The following NKAIN3 variants were observed in gnomAD, a reference collection of about 807,000 sequenced individuals.
NKAIN3 encodes the protein sodium/potassium transporting ATPase interacting 3, also known as sodium/potassium-transporting ATPase subunit beta-1-interacting protein 3.
NKAIN3 carries 25 observed loss-of-function variants against 30.2 expected under a neutral mutation model. The observed-to-expected ratio is 0.83, with a 90% CI of 0.60 to 1.16. The LOEUF (loss-of-function observed/expected upper bound fraction) is 1.16. Ranked by LOEUF, NKAIN3 falls within the 50% of genes most tolerant of loss-of-function variation. The pLI is 0.00. For synonymous variants in NKAIN3, 91 were observed against 89.6 expected, an observed-to-expected ratio of 1.02 and a Z score of -0.09; for missense variants, 225 against 254.1, an observed-to-expected ratio of 0.89 and a Z score of 0.78.
intron 3 of NKAIN3, among the ~76,000 whole-genome samples, chr8:62,626,741 A>C (rs1811800981): frequency 6.6e-6 from 1 of 152,102 alleles, no homozygotes; most frequent in African/African-American, 2.4e-5. Flanking sequence ...GCATATGTAA[A>C]GTGTGGAAAA....
rs140699643 is a variant in NKAIN3 at position 62,389,014 on chromosome 8, G to C, written c.54+139887G>C. Among the ~76,000 whole-genome samples, 252 of 152,250 alleles carry C rather than the reference G, an allele frequency of 1.7e-3. 1 individual carries two copies. Among genetic ancestry groups the C allele is most frequent in the Non-Finnish European group, 7.6e-4 (52 of 68,018 alleles). On this transcript the variant is annotated intron_variant, in intron 1 of 6. Transcript: ENST00000623646. ...GAGCAAGCCCTCCAGGGAGCAGCCC[G>C]TATTGAGCTCACCTGCTTTTCTGTG...
intron 1 of NKAIN3, among the ~76,000 whole-genome samples, chr8:62,420,655 C>A (rs1191760996): frequency 2.0e-5 from 3 of 151,870 alleles, no homozygotes; most frequent in African/African-American, 7.3e-5. Context: ...ACTCAAATAG[C>A]CATCTAAATA....
rs190904344 is a variant in NKAIN3, at chr8:62,358,857, G to A, written c.54+109730G>A. On this transcript the variant is annotated intron_variant, in intron 1 of 6. Transcript: ENST00000623646. Reference sequence around the variant, plus strand: ...GAGATAGTGCATAGTATAGTTTCTGGTGAATATTCTATTTTGTTAGCCATG... The same window carrying A: ...GAGATAGTGCATAGTATAGTTTCTGATGAATATTCTATTTTGTTAGCCATG... 1.3e-3 allele frequency among the ~76,000 whole-genome samples: 199 copies of A among 152,278 alleles called. 2 individuals are homozygous for A. The highest frequency in any genetic ancestry group is 6.9e-4 in the Non-Finnish European group (47 of 68,026).
chr8:62,802,922 C>T (rs147448000), intron 4 of NKAIN3, among the ~76,000 whole-genome samples: 1,938 of 152,220 alleles, frequency 0.013, 35 homozygotes, highest in African/African-American at 0.042. Flanking sequence ...GGAGGAAGAT[C>T]TACCAAGTAA....
intron 1 of NKAIN3, among the ~76,000 whole-genome samples, chr8:62,347,017 G>A (rs1406828350): frequency 6.6e-6 from 1 of 152,070 alleles, no homozygotes; most frequent in East Asian, 1.9e-4. Context: ...AGGTTTGGTG[G>A]CATACATGTC....
chr8:62,723,217 A>G (rs1815148227), intron 3 of NKAIN3, among the ~76,000 whole-genome samples: 1 of 152,180 alleles, frequency 6.6e-6, no homozygotes, highest in African/African-American at 2.4e-5. Flanking sequence ...TTAAAACAAC[A>G]TTTATTATTT....
At chr8:62,727,257 A>C (rs1384364125) in intron 3 of NKAIN3, among the ~76,000 whole-genome samples, 2 of 152,160 alleles carry the variant, frequency 1.3e-5, no homozygotes, top group African/African-American at 4.8e-5. Flanking sequence ...TTAATAATGC[A>C]AAACTACAAT....
At chr8:62,846,191 G>T (rs1665636489) in intron 4 of NKAIN3, among the ~76,000 whole-genome samples, 1 of 152,164 alleles carries the variant, frequency 6.6e-6, no homozygotes, top group African/African-American at 2.4e-5. Flanking sequence ...TCCAGTAAAT[G>T]ATGAATGTGC....
At chr8:62,372,622 T>C (rs967898447) in intron 1 of NKAIN3, among the ~76,000 whole-genome samples, 15 of 152,056 alleles carry the variant, frequency 9.9e-5, no homozygotes, top group African/African-American at 3.6e-4. Context: ...TTGATAGCTA[T>C]AATTTAAAAT....
rs1052612295 is a variant in NKAIN3, at chr8:62,860,296, C to A, written c.472-58157C>A. On this transcript the variant is annotated intron_variant, in intron 4 of 6. Transcript: ENST00000623646. ...CTGAGCAGACCTAAATGTAATCTCA[C>A]CTCTGTCATTTTCCTACTTGTGACA... 3.9e-5 allele frequency among the ~76,000 whole-genome samples: 6 copies of A among 152,200 alleles called. No homozygotes were observed. In the East Asian group the frequency reaches 5.8e-4, roughly 15 times the overall value.
intron 1 of NKAIN3, among the ~76,000 whole-genome samples, chr8:62,251,711 C>T (rs1250636618): frequency 1.3e-5 from 2 of 152,098 alleles, no homozygotes; most frequent in Non-Finnish European, 2.9e-5. Context: ...AAATATTTCT[C>T]CATTATTTAA....
chr8:62,873,434 C>G (rs1382196350), intron 4 of NKAIN3, among the ~76,000 whole-genome samples: 1 of 149,512 alleles, frequency 6.7e-6, no homozygotes, highest in Non-Finnish European at 1.5e-5. Flanking sequence ...ATCAAAGAGA[C>G]AGAAAATTAA....
chr8:62,317,659 T>G (rs187718432), intron 1 of NKAIN3, among the ~76,000 whole-genome samples: 1 of 152,346 alleles, frequency 6.6e-6, no homozygotes, highest in East Asian at 1.9e-4. Flanking sequence ...ACCAGCACCA[T>G]GCTGTTTTGG....
chr8:62,330,686 A>T (rs189985129), intron 1 of NKAIN3, among the ~76,000 whole-genome samples: 1 of 151,872 alleles, frequency 6.6e-6, no homozygotes, highest in Non-Finnish European at 1.5e-5. Context: ...CTAATTTTAC[A>T]TATCTAATGC....
chr8:62,819,168 A>C (rs1454488191), intron 4 of NKAIN3, among the ~76,000 whole-genome samples: 1 of 138,534 alleles, frequency 7.2e-6, no homozygotes, highest in Admixed American at 7.3e-5. Context: ...TATATATATA[A>C]TTGTTATTTT....
At position 62,972,329 on chromosome 8, in the gene NKAIN3, T is replaced by A. The variant is rs1823852197; in HGVS notation, c.*6922T>A. On this transcript the variant is annotated 3_prime_UTR_variant, in exon 7 of 7. Transcript: ENST00000623646. Reference sequence around the variant, plus strand: ...CAAATTGTCCAAAAAAATATACAAGTGAGGGAATTAATAAAATTTTTTGTA... The same window carrying A: ...CAAATTGTCCAAAAAAATATACAAGAGAGGGAATTAATAAAATTTTTTGTA... Among the ~76,000 whole-genome samples, 1 of 152,068 alleles carries A rather than the reference T, an allele frequency of 6.6e-6. No individual in the cohort carries two copies. The highest frequency in any genetic ancestry group is 6.6e-5 in the Admixed American group (1 of 15,246).
chr8:62,330,873 T>C (rs1376087357), intron 1 of NKAIN3, among the ~76,000 whole-genome samples: 1 of 151,996 alleles, frequency 6.6e-6, no homozygotes, highest in African/African-American at 2.4e-5. Context: ...AAAACACTCA[T>C]ATGAGTGTTC....
chr8:62,271,388 G>A (rs1296976880), intron 1 of NKAIN3, among the ~76,000 whole-genome samples: 2 of 152,148 alleles, frequency 1.3e-5, no homozygotes, highest in African/African-American at 4.8e-5. Flanking sequence ...GACTCCAGCT[G>A]GGAATTGAGA....
At chr8:62,509,907 T>A (rs574541924) in intron 1 of NKAIN3, among the ~76,000 whole-genome samples, 4 of 152,286 alleles carry the variant, frequency 2.6e-5, no homozygotes, top group African/African-American at 9.6e-5. Context: ...CATGTGGATC[T>A]TGCTTTTGAA....
Sources: gnomAD v4.1 joint callset for allele counts (sites outside exome capture counted in the v4.1 genomes callset) on GRCh38, gnomAD v4.1.1 for gene constraint, MANE v1.5 for transcripts, NCBI Gene and HGNC (gene_info 2026-07-23, HGNC 2026-07-21) for gene names.